Variants in PAMR1 observed in about 807,000 individuals in gnomAD.
PAMR1 encodes peptidase domain containing associated with muscle regeneration 1.
Under a neutral mutation model 81.8 loss-of-function variants are expected in PAMR1, and 88 were observed. The ratio of observed to expected loss-of-function variants is 1.08; its 90% CI spans 0.91 to 1.28. PAMR1 has a LOEUF of 1.28. Ranked by LOEUF, PAMR1 falls within the 50% of genes most tolerant of loss-of-function variation. The pLI is 0.00. For missense variants in PAMR1, 935 were observed against 919.7 expected (o/e 1.02, Z -0.21); for synonymous variants, 336 against 345.3 (o/e 0.97, Z 0.30).
chr11:35,451,935 A>C (rs183916371), intron 6 of PAMR1: 10 of 693,240 alleles, frequency 1.4e-5, no homozygotes. Flanking sequence ...CCCAGCCTCC[A>C]GAACTGTGAG....
At chr11:35,522,089 A>AT (rs1360215639) in intron 1 of PAMR1, among the ~76,000 whole-genome samples, 2 of 151,834 alleles carry the variant, frequency 1.3e-5, no homozygotes, top group Non-Finnish European at 2.9e-5. Flanking sequence ...CGCCCAGCTA[A>AT]TTTTTTGTAT....
chr11:35,464,678 G>A (rs113014473), intron 6 of PAMR1, among the ~76,000 whole-genome samples: 7 of 152,094 alleles, frequency 4.6e-5, no homozygotes, highest in South Asian at 2.1e-4. Context: ...TTTGCATACC[G>A]CAGAAAAAAA....
intron 4 of PAMR1, among the ~76,000 whole-genome samples, chr11:35,473,027 G>C (rs1236539516): frequency 6.6e-6 from 1 of 152,210 alleles, no homozygotes; most frequent in African/African-American, 2.4e-5. Flanking sequence ...GGGCATGACA[G>C]AATCTCAGTG....
Position 35,468,000 on chromosome 11 carries a change from C to A in PAMR1, c.820+1G>T, listed in dbSNP as rs376923695. 1 of 1,546,840 alleles carries A rather than the reference C, an allele frequency of 6.5e-7. No individual in the cohort carries two copies. Among genetic ancestry groups the A allele is most frequent in the Admixed American group, 1.9e-5 (1 of 51,512 alleles). ...AACTCCCACTTAGGAAGCATACTCA[C>A]GATTTTCACAGCGCTGCCCAGTATA... On this transcript the variant is annotated splice_donor_variant, in intron 6 of 10. Coordinates refer to ENST00000619888, the MANE Select transcript of PAMR1 (RefSeq NM_001001991.3). LOFTEE classifies it high-confidence loss of function.
In PAMR1 at chr11:35,432,319, A is replaced by G. The variant is rs759589323; in HGVS notation, c.*37T>C. ...CGCAATGACACACGTACAGACGGAT[A>G]TACAGAAACACTTCTCAAGGAGTGC... On this transcript the variant is annotated 3_prime_UTR_variant, in exon 11 of 11. Coordinates refer to ENST00000619888, the MANE Select transcript of PAMR1 (RefSeq NM_001001991.3). The G allele has an allele frequency of 7.0e-6, 11 of 1,567,046 alleles. No homozygotes were observed. In the African/African-American group the frequency reaches 1.5e-4, roughly 21 times the overall value.
intron 3 of PAMR1, among the ~76,000 whole-genome samples, chr11:35,478,969 G>A (rs570280190): frequency 2.2e-4 from 33 of 152,076 alleles, no homozygotes; most frequent in Admixed American, 3.3e-4. Context: ...CAGGAGGGGC[G>A]GCTGGATAGT....
At chr11:35,453,364 C>T (rs1381804851) in intron 6 of PAMR1, 7 of 152,220 alleles carry the variant, frequency 4.6e-5, no homozygotes, top group African/African-American at 1.7e-4. Flanking sequence ...GCCTTCCATA[C>T]CTCATTCCAA....
intron 6 of PAMR1, among the ~76,000 whole-genome samples, chr11:35,461,973 A>T (rs7129975): frequency 1.3e-5 from 2 of 151,656 alleles, no homozygotes; most frequent in Non-Finnish European, 2.9e-5. Flanking sequence ...AGACAGATTG[A>T]GCCTTTGTTT....
At chr11:35,507,112 T>C (rs1198675160) in intron 1 of PAMR1, among the ~76,000 whole-genome samples, 22 of 135,124 alleles carry the variant, frequency 1.6e-4, no homozygotes, top group Admixed American at 4.1e-4. Flanking sequence ...AATGGTGCAA[T>C]CTCAGCTCAC....
In PAMR1 at chr11:35,434,707, G is replaced by A. The variant is rs148382684; in HGVS notation, c.1431C>T (p.Asp477=). Residue 477 remains aspartate, a synonymous_variant, in exon 10 of 11, where the codon GAC becomes GAT. Transcript: ENST00000619888. ...ACCACGCTCCCTTGTGTAGGCTGCCGTCATGCACCCCGCTGGTCCTCCTGT... is the reference window on the plus strand; with the variant it reads ...ACCACGCTCCCTTGTGTAGGCTGCCATCATGCACCCCGCTGGTCCTCCTGT... The part of the protein sequence containing the change: ...AIYRRTSGVH[D]GSLHKGAWFL... 226 of 1,614,158 alleles carry A rather than the reference G, an allele frequency of 1.4e-4. 1 individual carries two copies. Among genetic ancestry groups the A allele is most frequent in the Admixed American group, 9.8e-4 (59 of 60,012 alleles).
chr11:35,448,877 C>T (rs758038352), intron 6 of PAMR1, among the ~76,000 whole-genome samples: 8 of 152,138 alleles, frequency 5.3e-5, no homozygotes, highest in Non-Finnish European at 1.0e-4. Flanking sequence ...CTTTTAACAG[C>T]CAGGCCCCTC....
upstream of PAMR1, among the ~76,000 whole-genome samples, chr11:35,528,609 T>C (rs1851425416): frequency 6.6e-6 from 1 of 151,412 alleles, no homozygotes; most frequent in South Asian, 2.1e-4. Flanking sequence ...TTAATCTGTT[T>C]TTTCTTTTTT....
intron 1 of PAMR1, among the ~76,000 whole-genome samples, chr11:35,518,546 A>G (rs1226173203): frequency 7.1e-6 from 1 of 140,814 alleles, no homozygotes; most frequent in East Asian, 2.1e-4. Context: ...GTATAAAGGA[A>G]AAGACAAAAA....
At chr11:35,513,062 T>C (rs1224624074) in intron 1 of PAMR1, among the ~76,000 whole-genome samples, 1 of 152,040 alleles carries the variant, frequency 6.6e-6, no homozygotes, top group African/African-American at 2.4e-5. Flanking sequence ...ATGTTTAAGA[T>C]CAACAATCAT....
chr11:35,475,331 C>G (rs1011841014), intron 3 of PAMR1, among the ~76,000 whole-genome samples: 12 of 152,180 alleles, frequency 7.9e-5, no homozygotes, highest in African/African-American at 2.9e-4. Flanking sequence ...TTTTCTCATT[C>G]TTTTCTTGCT....
chr11:35,478,967 G>A (rs1486455196), intron 3 of PAMR1, among the ~76,000 whole-genome samples: 1 of 152,106 alleles, frequency 6.6e-6, no homozygotes, highest in African/African-American at 2.4e-5. Flanking sequence ...AACAGGAGGG[G>A]CGGCTGGATA....
At chr11:35,457,733 A>T (rs1422129882) in intron 6 of PAMR1, among the ~76,000 whole-genome samples, 1 of 152,120 alleles carries the variant, frequency 6.6e-6, no homozygotes, top group East Asian at 1.9e-4. Flanking sequence ...TGAGATGGGG[A>T]TTATTATAAA....
In PAMR1 at chr11:35,470,764, C is replaced by A. The variant is rs747539428; in HGVS notation, c.549G>T (p.Glu183Asp). The A allele has an allele frequency of 1.2e-6, 2 of 1,614,140 alleles. No homozygotes were observed. Among genetic ancestry groups the A allele is most frequent in the Non-Finnish European group, 8.5e-7 (1 of 1,179,994 alleles). Residue 183 changes from glutamate to aspartate, a missense_variant, in exon 5 of 11, where the codon GAG becomes GAT. Glu to Asp is a conservative substitution (Grantham distance 45). Coordinates refer to ENST00000619888, the MANE Select transcript of PAMR1 (RefSeq NM_001001991.3). ...FDYMCQYDYV[E>D]VRDGDNRDGQ... Reference sequence around the variant, plus strand: ...CATCGCGGTTGTCTCCATCACGAACCTCAACATAGTCATACTGGCACATGT... The same window carrying A: ...CATCGCGGTTGTCTCCATCACGAACATCAACATAGTCATACTGGCACATGT...
intron 9 of PAMR1, 129 bp from the exon 10 acceptor site, chr11:35,434,933 T>A: frequency 1.2e-6 from 1 of 810,886 alleles, no homozygotes; most frequent in Non-Finnish European, 1.9e-6. Flanking sequence ...CTAAGATAAG[T>A]AACCCAGTTT....
Sources: gnomAD v4.1 joint callset for allele counts (sites outside exome capture counted in the v4.1 genomes callset) on GRCh38, gnomAD v4.1.1 for gene constraint, MANE v1.5 for transcripts, NCBI Gene and HGNC (gene_info 2026-07-23, HGNC 2026-07-21) for gene names.